Variants in SAV1 observed in about 807,000 individuals in gnomAD.
SAV1 encodes the protein salvador family WW domain containing protein 1, also known as protein salvador homolog 1.
In SAV1, 23 loss-of-function variants were observed where a neutral mutation model predicts 47.3. The ratio of observed to expected loss-of-function variants is 0.49; its 90% CI spans 0.35 to 0.69. SAV1 has a LOEUF of 0.69. Ranked by LOEUF, SAV1 falls within the 30% of genes least tolerant of loss-of-function variation. SAV1 has a pLI of 0.01. For synonymous variants in SAV1, 155 were observed against 159.2 expected, an observed-to-expected ratio of 0.97 and a Z score of 0.20; for missense variants, 448 against 457.4, an observed-to-expected ratio of 0.98 and a Z score of 0.19.
At chr14:50,643,990 G>A (rs2039700868) in intron 3 of SAV1, among the ~76,000 whole-genome samples, 1 of 152,102 alleles carries the variant, frequency 6.6e-6, no homozygotes, top group South Asian at 2.1e-4. Flanking sequence ...TTAATCTTGT[G>A]GCTCAGCTTT....
intron 2 of SAV1, among the ~76,000 whole-genome samples, chr14:50,645,908 A>G (rs1185820040): frequency 2.0e-5 from 3 of 152,206 alleles, no homozygotes; most frequent in Non-Finnish European, 4.4e-5. Context: ...TATTGAGATA[A>G]TATAATTTAT....
intron 4 of SAV1, 131 bp from the exon 5 acceptor site, chr14:50,635,515 A>G: frequency 1.3e-6 from 1 of 782,322 alleles, no homozygotes; most frequent in Non-Finnish European, 2.0e-6. Flanking sequence ...TTAATTAAAA[A>G]TAACTGGGCA....
At chr14:50,660,817 ATG>A (rs1373277647) in intron 2 of SAV1, among the ~76,000 whole-genome samples, 1 of 152,142 alleles carries the variant, frequency 6.6e-6, no homozygotes, top group Non-Finnish European at 1.5e-5. Flanking sequence ...TCGCTCCCAC[ATG>A]TGAGTAAGAA....
chr14:50,642,917 T>G (rs1324423846), intron 3 of SAV1, among the ~76,000 whole-genome samples: 2 of 152,234 alleles, frequency 1.3e-5, no homozygotes. Context: ...AACCACAGCT[T>G]TAACACTTAC....
At chr14:50,666,889 T>C (rs1196239335) in intron 1 of SAV1, among the ~76,000 whole-genome samples, 1 of 152,172 alleles carries the variant, frequency 6.6e-6, no homozygotes, top group Non-Finnish European at 1.5e-5. Context: ...TCTGGAAGGC[T>C]GACAATGTGG....
intron 2 of SAV1, among the ~76,000 whole-genome samples, chr14:50,658,006 AG>A (rs1479040053): frequency 6.6e-6 from 1 of 152,228 alleles, no homozygotes; most frequent in African/African-American, 2.4e-5. Flanking sequence ...ACAGTTCCAC[AG>A]GGTCCCTAGT....
chr14:50,634,049 T>A lies in SAV1; in HGVS notation c.*1134A>T, dbSNP rs1265975349. 1 of 275,650 alleles carries A rather than the reference T, an allele frequency of 3.6e-6. No homozygotes were observed. Among genetic ancestry groups the A allele is most frequent in the African/African-American group, 2.2e-5 (1 of 45,162 alleles). 17.1% of individuals were successfully genotyped at this position (275,650 alleles called of 1,614,324 possible). On this transcript the variant is annotated 3_prime_UTR_variant, in exon 5 of 5. Transcript: ENST00000324679. Reference sequence around the variant, plus strand: ...ATACATTCGATTTAATGACCAAAAATTTTTTTTGAATCCCTGGTTGTCATT... The same window carrying A: ...ATACATTCGATTTAATGACCAAAAAATTTTTTTGAATCCCTGGTTGTCATT...
intron 2 of SAV1, among the ~76,000 whole-genome samples, chr14:50,655,877 C>A (rs2039808083): frequency 1.3e-5 from 2 of 152,092 alleles, no homozygotes; most frequent in Admixed American, 1.3e-4. Flanking sequence ...GAAACCCCAT[C>A]TCTACTAAAA....
At chr14:50,656,091 T>C (rs1485474549) in intron 2 of SAV1, among the ~76,000 whole-genome samples, 1 of 152,196 alleles carries the variant, frequency 6.6e-6, no homozygotes, top group Non-Finnish European at 1.5e-5. Context: ...TATTAAAAGT[T>C]TGTGGCAATT....
chr14:50,645,470 G>A (rs1268544313), intron 2 of SAV1, among the ~76,000 whole-genome samples: 1 of 151,868 alleles, frequency 6.6e-6, no homozygotes, highest in Non-Finnish European at 1.5e-5. Flanking sequence ...TTACCTTCAG[G>A]CTATGTGTAG....
intron 2 of SAV1, chr14:50,662,511 T>C (rs2039868846): frequency 6.6e-6 from 1 of 152,212 alleles, no homozygotes; most frequent in Admixed American, 6.5e-5. Context: ...TGAAAACGTA[T>C]GCAATTAACT....
intron 2 of SAV1, 92 bp from the exon 3 acceptor site, chr14:50,645,106 C>CT: frequency 9.6e-7 from 1 of 1,039,118 alleles, no homozygotes; most frequent in South Asian, 1.6e-5. Context: ...ATTAACTATC[C>CT]TGATTGTACT....
rs1379598119 is a variant in SAV1 at position 50,640,894 on chromosome 14, C to T, written c.807-1G>A. Reference sequence around the variant, plus strand: ...AGGTGGTTGATCATACCGAGGTACACTAAGAAGAAAGGAGTGACATTCTTT... The same window carrying T: ...AGGTGGTTGATCATACCGAGGTACATTAAGAAGAAAGGAGTGACATTCTTT... On this transcript the variant is annotated splice_acceptor_variant, in intron 3 of 4. Transcript: ENST00000324679. LOFTEE classifies it high-confidence loss of function. 4 of 1,600,082 alleles carry T rather than the reference C, an allele frequency of 2.5e-6. No individual in the cohort carries two copies. The highest frequency in any genetic ancestry group is 3.4e-6 in the Non-Finnish European group (4 of 1,173,054).
rs1566738010 is a variant in SAV1 at position 50,633,901 on chromosome 14, A to C, written c.*1282T>G. Reference sequence around the variant, plus strand: ...AGTATCACCAATTTGTTTGCAATCAAATGTACAGCACTAATTATGAAAAAT... The same window carrying C: ...AGTATCACCAATTTGTTTGCAATCACATGTACAGCACTAATTATGAAAAAT... On this transcript the variant is annotated 3_prime_UTR_variant, in exon 5 of 5. Coordinates refer to ENST00000324679, the MANE Select transcript of SAV1 (RefSeq NM_021818.4). 1 of 168,334 alleles carries C rather than the reference A, an allele frequency of 5.9e-6. No homozygotes were observed. The allele number at this position is 168,334 out of a possible 1,614,324, so 10.4% of individuals were successfully genotyped here. A position where few individuals can be genotyped will look rare whatever the true frequency, so the allele number is the denominator to read the frequency against.
chr14:50,647,818 T>C (rs76872866), intron 2 of SAV1, among the ~76,000 whole-genome samples: 52 of 152,186 alleles, frequency 3.4e-4, no homozygotes, highest in South Asian at 1.2e-3. Flanking sequence ...TACAGAACAA[T>C]TGGAATGCCC....
chr14:50,649,086 C>G (rs1212953666), intron 2 of SAV1, among the ~76,000 whole-genome samples: 1 of 152,094 alleles, frequency 6.6e-6, no homozygotes, highest in African/African-American at 2.4e-5. Context: ...GGATGCTGTT[C>G]TCAAACACGG....
At chr14:50,643,021 T>G (rs769679215) in intron 3 of SAV1, among the ~76,000 whole-genome samples, 2 of 152,170 alleles carry the variant, frequency 1.3e-5, no homozygotes, top group East Asian at 1.9e-4. Flanking sequence ...CACAGGTGGT[T>G]GTTCTCAGGA....
At chr14:50,646,042 C>T (rs2039718578) in intron 2 of SAV1, among the ~76,000 whole-genome samples, 1 of 152,114 alleles carries the variant, frequency 6.6e-6, no homozygotes, top group South Asian at 2.1e-4. Flanking sequence ...TGTCAATTCT[C>T]CTGAAATTAT....
intron 2 of SAV1, among the ~76,000 whole-genome samples, chr14:50,656,740 C>T: frequency 6.6e-6 from 1 of 152,116 alleles, no homozygotes; most frequent in Non-Finnish European, 1.5e-5. Flanking sequence ...CCGTGCCCGG[C>T]CCCAGCTGTA....
Sources: gnomAD v4.1 joint callset for allele counts (sites outside exome capture counted in the v4.1 genomes callset) on GRCh38, gnomAD v4.1.1 for gene constraint, MANE v1.5 for transcripts, NCBI Gene and HGNC (gene_info 2026-07-23, HGNC 2026-07-21) for gene names.